LAMA2: variants seen among roughly 807,000 people sequenced by gnomAD.
The protein encoded by LAMA2 is laminin subunit alpha 2.
Under a neutral mutation model 364.8 loss-of-function variants are expected in LAMA2, and 269 were observed. The ratio of observed to expected loss-of-function variants is 0.74; its 90% CI spans 0.67 to 0.82. LAMA2 has a LOEUF of 0.82. Ranked by LOEUF, LAMA2 falls within the 40% of genes least tolerant of loss-of-function variation. The pLI is 0.00. For missense variants in LAMA2, 3,807 were observed against 3,873.2 expected, an observed-to-expected ratio of 0.98 and a Z score of 0.45; for synonymous variants, 1,379 against 1,370.6, an observed-to-expected ratio of 1.01 and a Z score of -0.14.
chr6:129,146,115 A>G (rs147020068), intron 5 of LAMA2, among the ~76,000 whole-genome samples: 30 of 152,114 alleles, frequency 2.0e-4, no homozygotes, highest in African/African-American at 7.2e-4. Flanking sequence ...TTCTTAGTCA[A>G]GGAACTCAGA....
chr6:129,121,744 A>G (rs1470722613), intron 4 of LAMA2, among the ~76,000 whole-genome samples: 1 of 152,190 alleles, frequency 6.6e-6, no homozygotes, highest in East Asian at 1.9e-4. Context: ...GAAACTAGGG[A>G]AAAAGCTGGA....
intron 1 of LAMA2, among the ~76,000 whole-genome samples, chr6:128,980,256 G>T (rs1782783270): frequency 6.6e-6 from 1 of 152,170 alleles, no homozygotes; most frequent in African/African-American, 2.4e-5. Context: ...CACTTGGTGT[G>T]CATTTTAGAA....
intron 48 of LAMA2, among the ~76,000 whole-genome samples, chr6:129,458,702 A>T (rs1346033220): frequency 6.6e-6 from 1 of 152,036 alleles, no homozygotes; most frequent in African/African-American, 2.4e-5. Flanking sequence ...ATACATGGTC[A>T]CAGCAGTGGG....
At chr6:129,165,730 A>T in intron 9 of LAMA2, 55 bp downstream of exon 9, 1 of 1,014,646 alleles carries the variant, frequency 9.9e-7, no homozygotes, top group Non-Finnish European at 1.6e-6. Context: ...TAAAAGCCAA[A>T]TATGATTATT....
At chr6:129,283,339 G>A (rs907402918) in intron 18 of LAMA2, among the ~76,000 whole-genome samples, 1 of 152,052 alleles carries the variant, frequency 6.6e-6, no homozygotes, top group African/African-American at 2.4e-5. Context: ...AAATGCTGAG[G>A]ATACCTGCCT....
intron 4 of LAMA2, among the ~76,000 whole-genome samples, chr6:129,131,698 CTG>C (rs1777483342): frequency 6.6e-6 from 1 of 152,184 alleles, no homozygotes; most frequent in Non-Finnish European, 1.5e-5. Context: ...GGATCCAACT[CTG>C]TACAGAATAA....
At chr6:129,298,897 T>C (rs1773374162) in intron 21 of LAMA2, among the ~76,000 whole-genome samples, 1 of 152,198 alleles carries the variant, frequency 6.6e-6, no homozygotes, top group Non-Finnish European at 1.5e-5. Flanking sequence ...AGAATCTGTA[T>C]ATCTCTAAGC....
chr6:129,402,948 AG>A (rs1406285086), intron 39 of LAMA2, among the ~76,000 whole-genome samples: 1 of 152,100 alleles, frequency 6.6e-6, no homozygotes, highest in Admixed American at 6.5e-5. Flanking sequence ...TCCTCTTTTA[AG>A]CTCCAGGGAG....
chr6:129,276,044 A>C (rs1023856753), intron 17 of LAMA2, among the ~76,000 whole-genome samples: 1 of 152,134 alleles, frequency 6.6e-6, no homozygotes, highest in Non-Finnish European at 1.5e-5. Context: ...ACTGAAGAAG[A>C]AAATACTTAG....
chr6:129,077,462 CTT>C (rs1383342155), intron 3 of LAMA2, among the ~76,000 whole-genome samples: 2 of 152,182 alleles, frequency 1.3e-5, no homozygotes, highest in African/African-American at 4.8e-5. Flanking sequence ...ATAACTGAGA[CTT>C]TGCAGATTTT....
At chr6:129,415,886 A>G (rs553499736) in intron 40 of LAMA2, among the ~76,000 whole-genome samples, 73 of 152,178 alleles carry the variant, frequency 4.8e-4, no homozygotes, top group African/African-American at 1.7e-3. Flanking sequence ...TGTGGCTAGG[A>G]AAGAGTGCCA....
At chr6:129,028,249 TCTG>T (rs1785971235) in intron 1 of LAMA2, among the ~76,000 whole-genome samples, 1 of 151,880 alleles carries the variant, frequency 6.6e-6, no homozygotes, top group African/African-American at 2.4e-5. Flanking sequence ...TTTATCACAC[TCTG>T]CTGTGTAAGT....
chr6:129,095,640 G>GTGGCTCATGCC (rs1392989674), intron 3 of LAMA2, among the ~76,000 whole-genome samples: 1 of 151,918 alleles, frequency 6.6e-6, no homozygotes, highest in Admixed American at 6.6e-5. Context: ...GCCGGGCACG[G>GTGGCTCATGCC]TGGCTCATGC....
chr6:128,956,182 A>G (rs1342204987), intron 1 of LAMA2, among the ~76,000 whole-genome samples: 1 of 151,986 alleles, frequency 6.6e-6, no homozygotes, highest in Non-Finnish European at 1.5e-5. Context: ...ACTCAAGGGC[A>G]TTTTAAAATA....
At chr6:128,917,192 T>A (rs1778377026) in intron 1 of LAMA2, among the ~76,000 whole-genome samples, 1 of 148,024 alleles carries the variant, frequency 6.8e-6, no homozygotes, top group South Asian at 2.1e-4. Context: ...AAAAAAAAAC[T>A]AATTACAGAA....
intron 9 of LAMA2, among the ~76,000 whole-genome samples, chr6:129,169,313 C>G (rs556158288): frequency 6.7e-6 from 1 of 149,632 alleles, no homozygotes; most frequent in African/African-American, 2.5e-5. Context: ...ATAGATAGCT[C>G]TTAATATTTT....
intron 10 of LAMA2, among the ~76,000 whole-genome samples, chr6:129,186,992 TAAG>T (rs922548708): frequency 2.0e-5 from 3 of 151,752 alleles, no homozygotes; most frequent in Non-Finnish European, 1.5e-5. Flanking sequence ...AAAGCAACGA[TAAG>T]AAATAATGAG....
At chr6:129,397,733 G>A (rs975514718) in intron 37 of LAMA2, among the ~76,000 whole-genome samples, 7 of 151,126 alleles carry the variant, frequency 4.6e-5, no homozygotes, top group South Asian at 4.2e-4. Flanking sequence ...GGCTAACATG[G>A]TGAAACCCCA....
chr6:128,904,046 C>A (rs1777258536), intron 1 of LAMA2, among the ~76,000 whole-genome samples: 1 of 152,190 alleles, frequency 6.6e-6, no homozygotes, highest in Non-Finnish European at 1.5e-5. Flanking sequence ...CATTCTAGAA[C>A]CGCCATTTCC....
Sources: allele counts gnomAD v4.1 joint callset (sites outside exome capture counted in the v4.1 genomes callset), GRCh38; gene constraint gnomAD v4.1.1; transcripts MANE v1.5; gene names NCBI Gene and HGNC (gene_info 2026-07-23, HGNC 2026-07-21).